The following CADPS variants were observed in gnomAD, a reference collection of about 807,000 sequenced individuals.
CADPS encodes calcium dependent secretion activator.
Under a neutral mutation model 167.3 loss-of-function variants are expected in CADPS, and 57 were observed. The ratio of observed to expected loss-of-function variants is 0.34; its 90% confidence interval spans 0.28 to 0.42. The LOEUF (loss-of-function observed/expected upper bound fraction) is 0.42, where lower values mean the gene tolerates loss of function less well. Ranked by LOEUF, CADPS falls within the 20% of genes least tolerant of loss-of-function variation. The pLI, the probability that CADPS is intolerant of heterozygous loss-of-function variation, is 1.00. For synonymous variants in CADPS, 676 were observed against 635.3 expected (o/e 1.06, Z -0.96); for missense variants, 1,414 against 1,738.1 (o/e 0.81, Z 3.32).
rs753114055 is a variant in CADPS at position 62,499,241 on chromosome 3, G to A, written c.2627C>T (p.Ala876Val). Residue 876 changes from alanine to valine, a missense_variant, in exon 18 of 30, where the codon GCC becomes GTC. By Grantham distance (64) the Ala-to-Val change is moderately conservative. Coordinates refer to ENST00000383710, the MANE Select transcript of CADPS (RefSeq NM_003716.4). ...AENVGRLITPAKKLEDTIRLA... is the reference protein window; with the variant it reads ...AENVGRLITPVKKLEDTIRLA... ...ACGTATTGTATCTTCAAGCTTTTTG[G>A]CAGGAGTGATTAACCGGCCTACATT... The A allele has an allele frequency of 5.0e-6, 8 of 1,613,304 alleles. No individual in the cohort carries two copies. The African/African-American group carries it at 1.1e-4, about 22-fold the overall frequency.
intron 28 of CADPS, among the ~76,000 whole-genome samples, chr3:62,428,716 G>A (rs2053294278): frequency 6.6e-6 from 1 of 152,138 alleles, no homozygotes; most frequent in African/African-American, 2.4e-5. Context: ...AGAGAGGAAG[G>A]GCTACCTGTA....
chr3:62,757,551 A>T (rs1264062477), intron 2 of CADPS, among the ~76,000 whole-genome samples: 1 of 152,124 alleles, frequency 6.6e-6, no homozygotes, highest in Non-Finnish European at 1.5e-5. Context: ...TTGGGGCGAG[A>T]AGGTCAACGG....
chr3:62,705,407 C>T (rs13087901), intron 3 of CADPS, among the ~76,000 whole-genome samples: 12,096 of 152,090 alleles, frequency 0.08, 636 homozygotes, highest in Non-Finnish European at 0.12. Flanking sequence ...ATCCCAGGTG[C>T]GATGGTTAAT....
chr3:62,593,981 A>G (rs1228803148), intron 6 of CADPS, among the ~76,000 whole-genome samples: 1 of 152,190 alleles, frequency 6.6e-6, no homozygotes, highest in African/African-American at 2.4e-5. Context: ...CTTAACAAAT[A>G]TTTGTTGAAT....
intron 1 of CADPS, among the ~76,000 whole-genome samples, chr3:62,799,980 T>C (rs963064371): frequency 6.6e-6 from 1 of 152,190 alleles, no homozygotes; most frequent in Admixed American, 6.6e-5. Context: ...ATAAGGATAA[T>C]GTTTCTCTCC....
chr3:62,488,528 G>T (rs1345413373), intron 21 of CADPS, among the ~76,000 whole-genome samples: 2 of 151,768 alleles, frequency 1.3e-5, no homozygotes, highest in Admixed American at 6.6e-5. Flanking sequence ...GACTCACTCT[G>T]TCACCCCAGG....
intron 12 of CADPS, among the ~76,000 whole-genome samples, 192 bp from the exon 13 acceptor site, chr3:62,533,250 A>G (rs1483997205): frequency 1.3e-5 from 2 of 152,184 alleles, no homozygotes; most frequent in South Asian, 2.1e-4. Context: ...TATGAGGTAC[A>G]TTCTGTTATC....
At chr3:62,508,338 A>G (rs1302752903) in intron 17 of CADPS, among the ~76,000 whole-genome samples, 2 of 152,178 alleles carry the variant, frequency 1.3e-5, no homozygotes, top group Non-Finnish European at 2.9e-5. Context: ...GCTGTCAATG[A>G]CCAAGAAACC....
intron 3 of CADPS, among the ~76,000 whole-genome samples, chr3:62,722,824 G>A (rs1255300141): frequency 1.3e-5 from 2 of 152,166 alleles, no homozygotes; most frequent in Non-Finnish European, 2.9e-5. Flanking sequence ...GGGTGTGTCT[G>A]TGTGCGTGGT....
intron 17 of CADPS, among the ~76,000 whole-genome samples, chr3:62,509,527 T>G (rs968137748): frequency 6.6e-6 from 1 of 152,016 alleles, no homozygotes; most frequent in Non-Finnish European, 1.5e-5. Context: ...CTTAGATCTG[T>G]AGGAAATTTG....
At chr3:62,591,371 G>A (rs1003991478) in intron 7 of CADPS, among the ~76,000 whole-genome samples, 1 of 152,182 alleles carries the variant, frequency 6.6e-6, no homozygotes, top group African/African-American at 2.4e-5. Flanking sequence ...GGACTGAGCT[G>A]TCAGGAAAGG....
intron 3 of CADPS, among the ~76,000 whole-genome samples, chr3:62,732,997 T>C (rs1466818976): frequency 6.6e-6 from 1 of 152,206 alleles, no homozygotes; most frequent in Non-Finnish European, 1.5e-5. Context: ...GTCGATGGCT[T>C]TTCTCTTATG....
intron 3 of CADPS, among the ~76,000 whole-genome samples, chr3:62,663,783 G>C (rs1190008705): frequency 6.6e-6 from 1 of 151,986 alleles, no homozygotes; most frequent in African/African-American, 2.4e-5. Flanking sequence ...AATCCATCTG[G>C]CTTTATGCTG....
At chr3:62,437,912 C>T (rs2055484045) in intron 28 of CADPS, among the ~76,000 whole-genome samples, 192 bp downstream of exon 28, 1 of 152,152 alleles carries the variant, frequency 6.6e-6, no homozygotes, top group South Asian at 2.1e-4. Flanking sequence ...GACTGAGACA[C>T]TGCCACACCA....
At chr3:62,758,374 A>G (rs1026530408) in intron 2 of CADPS, among the ~76,000 whole-genome samples, 2 of 152,238 alleles carry the variant, frequency 1.3e-5, no homozygotes, top group Admixed American at 1.3e-4. Context: ...CTGGGGAGAC[A>G]GTAAAGATGA....
chr3:62,509,419 C>G (rs990668885), intron 17 of CADPS, among the ~76,000 whole-genome samples: 9 of 151,690 alleles, frequency 5.9e-5, no homozygotes, highest in African/African-American at 2.2e-4. Context: ...ATGAGATTCA[C>G]TATTATTGGT....
At chr3:62,540,702 G>T (rs957243558) in intron 11 of CADPS, among the ~76,000 whole-genome samples, 1 of 152,086 alleles carries the variant, frequency 6.6e-6, no homozygotes, top group African/African-American at 2.4e-5. Flanking sequence ...ACACTGCAGT[G>T]GTCCAGCTGT....
intron 6 of CADPS, 106 bp from the exon 7 acceptor site, chr3:62,592,854 ATT>A (rs1263475723): frequency 4.4e-6 from 3 of 674,780 alleles, no homozygotes; most frequent in Non-Finnish European, 7.5e-6. Flanking sequence ...CCAAGGCAGC[ATT>A]AGCTGTCACA....
intron 1 of CADPS, among the ~76,000 whole-genome samples, chr3:62,835,078 A>T (rs572420799): frequency 1.3e-5 from 2 of 152,268 alleles, no homozygotes; most frequent in East Asian, 3.9e-4. Flanking sequence ...TAAATGGAAA[A>T]TTTTCTAAAT....
Sources: gnomAD v4.1 joint callset for allele counts (sites outside exome capture counted in the v4.1 genomes callset) on GRCh38, gnomAD v4.1.1 for gene constraint, MANE v1.5 for transcripts, NCBI Gene and HGNC (gene_info 2026-07-23, HGNC 2026-07-21) for gene names.